Variants in ABLIM1 observed in about 807,000 individuals in gnomAD.
ABLIM1 encodes actin binding LIM protein 1, also known as actin-binding LIM protein 1.
In ABLIM1, 40 loss-of-function variants were observed where a neutral mutation model predicts 107.0. The ratio of observed to expected loss-of-function variants is 0.37; its 90% CI spans 0.29 to 0.49. The LOEUF (loss-of-function observed/expected upper bound fraction) is 0.49. ABLIM1 is among the 20% of genes least tolerant of loss of function. The pLI is 0.97. For missense variants in ABLIM1, 857 were observed against 1,008.5 expected, an observed-to-expected ratio of 0.85 and a Z score of 2.04; for synonymous variants, 357 against 357.3, an observed-to-expected ratio of 1.00 and a Z score of 0.01.
At position 114,441,091 on chromosome 10, in the gene ABLIM1, A is replaced by T; in HGVS notation, c.1999-14T>A. The T allele has an allele frequency of 6.4e-7, 1 of 1,569,954 alleles. No homozygotes were observed. Among genetic ancestry groups the T allele is most frequent in the South Asian group, 1.2e-5 (1 of 85,400 alleles). ...GGTAGAAACAGGCTGAAATGAGGAAAAACAATTATTAGGAAATCTCCATAG... is the reference window on the plus strand; with the variant it reads ...GGTAGAAACAGGCTGAAATGAGGAATAACAATTATTAGGAAATCTCCATAG... On this transcript the variant is annotated splice_polypyrimidine_tract_variant and intron_variant, in intron 18 of 22. Coordinates refer to ENST00000533213, the MANE Select transcript of ABLIM1 (RefSeq NM_002313.7).
At chr10:114,708,977 T>C (rs1041695720) in intron 1 of ABLIM1, among the ~76,000 whole-genome samples, 1 of 152,210 alleles carries the variant, frequency 6.6e-6, no homozygotes, top group Non-Finnish European at 1.5e-5. Flanking sequence ...GTATTGGTAC[T>C]TTTCGAGAAG....
intron 6 of ABLIM1, among the ~76,000 whole-genome samples, chr10:114,541,611 AC>A (rs2066668174): frequency 6.6e-6 from 1 of 152,206 alleles, no homozygotes; most frequent in African/African-American, 2.4e-5. Context: ...TCTAAGGACT[AC>A]GTCTGCTGGG....
rs2059044030 is a variant in ABLIM1 at position 114,491,865 on chromosome 10, T to C, written c.908A>G (p.His303Arg). Residue 303 changes from histidine (H) to arginine (R), a missense_variant, in exon 7 of 23, where the codon CAT (histidine) becomes CGT (arginine). Physicochemically the swap from His to Arg is conservative, Grantham distance 29. Transcript: ENST00000533213. Reference protein sequence around the residue: ...TGKVLEAGDKHYHPSCARCSR... With the variant: ...TGKVLEAGDKRYHPSCARCSR... ...GCATCGTGCACAGCTGGGGTGGTAA[T>C]GTTTGTCACCTGCCTGCAAGAGAAA... The C allele has an allele frequency of 2.5e-6, 4 of 1,607,828 alleles. No individual in the cohort carries two copies. Among genetic ancestry groups the C allele is most frequent in the Non-Finnish European group, 3.4e-6 (4 of 1,175,230 alleles).
At chr10:114,778,668 T>G in the ABLIM1 span, 1 of 152,170 alleles carries the variant, frequency 6.6e-6, no homozygotes, top group Non-Finnish European at 1.5e-5. Context: ...TCATGTTGTT[T>G]CCCTTACCTG....
rs538542631 is a variant in ABLIM1 at position 114,712,277 on chromosome 10, C to T, written c.-213+55784G>A. ...CTGAGGCAGGAGAATCACTTGAACC[C>T]GGGAGGCAGGGGCTGCAATGAGCCG... On this transcript the variant is annotated intron_variant, in intron 1 of 15. Coordinates refer to the ABLIM1 transcript ENST00000651092. Among the ~76,000 whole-genome samples the T allele has an allele frequency of 1.9e-4, 28 of 147,688 alleles. 1 individual carries two copies. Among genetic ancestry groups the T allele is most frequent in the East Asian group, 1.5e-3 (7 of 4,760 alleles).
rs1215182735 is a variant in ABLIM1, at chr10:114,707,940, A to C, written c.-213+60121T>G. Among the ~76,000 whole-genome samples the C allele has an allele frequency of 6.6e-6, 1 of 151,830 alleles. No individual in the cohort carries two copies. The highest frequency in any genetic ancestry group is 1.5e-5 in the Non-Finnish European group (1 of 67,984). On this transcript the variant is annotated intron_variant, in intron 1 of 15. Coordinates refer to the ABLIM1 transcript ENST00000651092. The surrounding 1 kb of genome is among the most constrained non-coding windows in gnomAD (Gnocchi z 4.1). Reference sequence around the variant, plus strand: ...AAACAAACAACAACAACAACAAAAAACCTAATTACCAACAGTTTTCAATTT... The same window carrying C: ...AAACAAACAACAACAACAACAAAAACCCTAATTACCAACAGTTTTCAATTT...
chr10:114,792,796 A>G, the ABLIM1 span, among the ~76,000 whole-genome samples: 1 of 152,186 alleles, frequency 6.6e-6, no homozygotes, highest in African/African-American at 2.4e-5. Flanking sequence ...TGCTTTATCA[A>G]TGTCTCTATG....
intron 7 of ABLIM1, among the ~76,000 whole-genome samples, chr10:114,488,738 C>T (rs1036009140): frequency 7.2e-5 from 11 of 152,114 alleles, no homozygotes; most frequent in African/African-American, 2.4e-4. Context: ...CAGAATTAAA[C>T]AAAACACTTA....
chr10:114,650,251 T>C (rs1591733789), intron 1 of ABLIM1, among the ~76,000 whole-genome samples: 3 of 152,164 alleles, frequency 2.0e-5, no homozygotes, highest in Admixed American at 2.0e-4. Context: ...CAGGAGTCCA[T>C]CCATAATAAT....
intron 1 of ABLIM1, among the ~76,000 whole-genome samples, chr10:114,711,179 G>A (rs1385107172): frequency 1.3e-5 from 2 of 152,334 alleles, no homozygotes; most frequent in Admixed American, 6.5e-5. Flanking sequence ...GTTGTTACAC[G>A]TAAGGAACGG....
At chr10:114,589,165 A>AT (rs895825032) in intron 2 of ABLIM1, among the ~76,000 whole-genome samples, 1 of 151,500 alleles carries the variant, frequency 6.6e-6, no homozygotes, top group African/African-American at 2.4e-5. Flanking sequence ...AAAAAAGAAA[A>AT]TTTTTTGTAT....
Position 114,437,908 on chromosome 10 carries a change from A to G in ABLIM1, c.2159T>C (p.Met720Thr). ...TCGCCCTCTGTTGGTCACCATGAGCATTTCATATGGAAATATCTGAGAAGA... is the reference window on the plus strand; with the variant it reads ...TCGCCCTCTGTTGGTCACCATGAGCGTTTCATATGGAAATATCTGAGAAGA... ...MLEPKIFPYEMLMVTNRGRNK... is the reference protein window; with the variant it reads ...MLEPKIFPYETLMVTNRGRNK... The change falls in exon 22 of 23, where the codon ATG (methionine) becomes ACG (threonine). Residue 720 changes from methionine to threonine, a missense_variant. Coordinates refer to ENST00000533213, the MANE Select transcript of ABLIM1 (RefSeq NM_002313.7). The G allele has an allele frequency of 6.2e-7, 1 of 1,613,996 alleles. No homozygotes were observed. The highest frequency in any genetic ancestry group is 8.5e-7 in the Non-Finnish European group (1 of 1,179,920).
intron 1 of ABLIM1, among the ~76,000 whole-genome samples, chr10:114,701,040 C>T (rs1330202761): frequency 6.6e-6 from 1 of 151,940 alleles, no homozygotes; most frequent in Non-Finnish European, 1.5e-5. Flanking sequence ...ATAAAGCAGA[C>T]ATATAACCTG....
At chr10:114,729,584 T>C (rs1348778091) in intron 1 of ABLIM1, among the ~76,000 whole-genome samples, 2 of 152,128 alleles carry the variant, frequency 1.3e-5, no homozygotes, top group African/African-American at 2.4e-5. Context: ...CATAGGAAAC[T>C]GTGTGGCTTG....
At chr10:114,605,105 A>T (rs896442688) in intron 1 of ABLIM1, among the ~76,000 whole-genome samples, 1 of 152,224 alleles carries the variant, frequency 6.6e-6, no homozygotes, top group East Asian at 1.9e-4. Context: ...GGCATCTCAG[A>T]ACAACCTATT....
intron 7 of ABLIM1, among the ~76,000 whole-genome samples, chr10:114,488,401 T>A (rs2058480673): frequency 1.3e-5 from 2 of 152,224 alleles, no homozygotes; most frequent in South Asian, 4.1e-4. Context: ...CTATTGTTTA[T>A]ATAACATCAA....
intron 1 of ABLIM1, among the ~76,000 whole-genome samples, chr10:114,633,240 G>A (rs2078292872): frequency 6.6e-6 from 1 of 152,212 alleles, no homozygotes; most frequent in Non-Finnish European, 1.5e-5. Context: ...AAGGAATGAA[G>A]TCAATCAACC....
chr10:114,769,498 G>GGA (rs1390829986), upstream of ABLIM1, among the ~76,000 whole-genome samples: 57 of 144,924 alleles, frequency 3.9e-4, no homozygotes, highest in Admixed American at 7.0e-4. Flanking sequence ...AGAAAGGGAA[G>GGA]GAAGAGAGAG....
intron 6 of ABLIM1, among the ~76,000 whole-genome samples, chr10:114,520,619 A>T (rs1297097145): frequency 6.6e-6 from 1 of 151,962 alleles, no homozygotes; most frequent in Non-Finnish European, 1.5e-5. Flanking sequence ...GAAGAATGAG[A>T]GGGTTTAAGC....
Sources: allele counts gnomAD v4.1 joint callset (sites outside exome capture counted in the v4.1 genomes callset), GRCh38; gene constraint gnomAD v4.1.1; non-coding constraint Gnocchi (gnomAD v3.1); transcripts MANE v1.5; gene names NCBI Gene and HGNC (gene_info 2026-07-23, HGNC 2026-07-21).